Variants in CERS6 observed in about 807,000 individuals in gnomAD.
The protein encoded by CERS6 is ceramide synthase 6.
A neutral mutation model predicts 56.8 loss-of-function variants in CERS6; 26 were observed. That is an observed-to-expected ratio of 0.46 (90% CI 0.34 to 0.63). The LOEUF (loss-of-function observed/expected upper bound fraction) is 0.63, where lower values mean the gene tolerates loss of function less well. Among genes scored for constraint, CERS6 ranks in the 30% least tolerant of loss-of-function variants. The pLI is 0.01. For synonymous variants in CERS6, 164 were observed against 173.3 expected (o/e 0.95, Z 0.42); for missense variants, 415 against 467.5 (o/e 0.89, Z 1.04).
intron 4 of CERS6, among the ~76,000 whole-genome samples, chr2:168,674,804 G>A (rs1254789917): frequency 2.0e-5 from 3 of 152,152 alleles, no homozygotes; most frequent in African/African-American, 7.2e-5. Flanking sequence ...TCCTTGGGCA[G>A]TGGTTCTCAG....
At chr2:168,658,080 C>T (rs769583642) in intron 4 of CERS6, among the ~76,000 whole-genome samples, 5 of 152,192 alleles carry the variant, frequency 3.3e-5, no homozygotes, top group Non-Finnish European at 7.3e-5. Context: ...CTGTTGTTTA[C>T]TAGATGTGTG....
intron 8 of CERS6, among the ~76,000 whole-genome samples, chr2:168,753,557 T>C (rs1385926584): frequency 6.6e-6 from 1 of 152,208 alleles, no homozygotes; most frequent in Non-Finnish European, 1.5e-5. Context: ...TGACTTAACT[T>C]GTGGGGCACA....
In CERS6 at chr2:168,773,657, C is replaced by T. The variant is rs1287931469; in HGVS notation, c.*3995C>T. On this transcript the variant is annotated 3_prime_UTR_variant, in exon 10 of 10. Coordinates refer to ENST00000305747, the MANE Select transcript of CERS6 (RefSeq NM_203463.3). ...TCAGCAGTTCAGTTGTCACAAGCCGCCCTTGAAGAAAACGCAGCAAAATAT... is the reference window on the plus strand; with the variant it reads ...TCAGCAGTTCAGTTGTCACAAGCCGTCCTTGAAGAAAACGCAGCAAAATAT... 5 of 152,186 alleles carry T rather than the reference C, an allele frequency of 3.3e-5. No homozygotes were observed. The highest frequency in any genetic ancestry group is 5.9e-5 in the Non-Finnish European group (4 of 68,034). The allele number at this position is 152,186 out of a possible 1,614,324, so 9.4% of individuals were successfully genotyped here.
At position 168,475,674 on chromosome 2, in the gene CERS6, G is replaced by A. The variant is rs1033015090; in HGVS notation, c.170+19056G>A. Reference sequence around the variant, plus strand: ...ATCCAAGGGTTTGAATTGGGAAACCGTTAAGTTTACTAGAAGTAGCTAGTT... The same window carrying A: ...ATCCAAGGGTTTGAATTGGGAAACCATTAAGTTTACTAGAAGTAGCTAGTT... On this transcript the variant is annotated intron_variant, in intron 1 of 9. Transcript: ENST00000305747. Among the ~76,000 whole-genome samples, 5 of 152,254 alleles carry A rather than the reference G, an allele frequency of 3.3e-5. No homozygotes were observed. The East Asian group carries it at 5.8e-4, about 18-fold the overall frequency.
intron 1 of CERS6, among the ~76,000 whole-genome samples, chr2:168,544,785 A>G (rs1426811805): frequency 1.1e-5 from 1 of 94,938 alleles, no homozygotes. Context: ...CACTTTTGTC[A>G]GTGCACGTGG....
At chr2:168,608,373 G>A (rs574223543) in intron 3 of CERS6, among the ~76,000 whole-genome samples, 1 of 152,218 alleles carries the variant, frequency 6.6e-6, no homozygotes, top group East Asian at 1.9e-4. Context: ...TTTCTCTTGG[G>A]CAGCTACCTA....
intron 6 of CERS6, among the ~76,000 whole-genome samples, chr2:168,709,232 G>C (rs953124041): frequency 6.6e-6 from 1 of 152,116 alleles, no homozygotes; most frequent in African/African-American, 2.4e-5. Flanking sequence ...AGGAATTTCT[G>C]ATGTGAAAGC....
intron 1 of CERS6, among the ~76,000 whole-genome samples, chr2:168,465,658 C>T (rs1046031641): frequency 1.1e-4 from 17 of 152,112 alleles, no homozygotes; most frequent in African/African-American, 4.1e-4. Flanking sequence ...TAGGATCCTA[C>T]TTATATAAGG....
chr2:168,702,248 A>C (rs908989401), intron 6 of CERS6, among the ~76,000 whole-genome samples: 2 of 152,230 alleles, frequency 1.3e-5, no homozygotes, highest in Admixed American at 6.5e-5. Context: ...AATTGGAAAT[A>C]GGTATGCAAT....
At chr2:168,633,010 A>G (rs1684782926) in intron 4 of CERS6, among the ~76,000 whole-genome samples, 1 of 152,192 alleles carries the variant, frequency 6.6e-6, no homozygotes, top group Admixed American at 6.5e-5. Context: ...ATGGAATGGA[A>G]TGAGAATAAT....
intron 3 of CERS6, among the ~76,000 whole-genome samples, chr2:168,614,014 G>A (rs1684249639): frequency 1.3e-5 from 2 of 152,182 alleles, no homozygotes; most frequent in Admixed American, 1.3e-4. Flanking sequence ...TTTGTGAAAT[G>A]GCTTATTTTC....
intron 3 of CERS6, among the ~76,000 whole-genome samples, chr2:168,591,002 T>C (rs1052083503): frequency 2.6e-5 from 4 of 152,246 alleles, no homozygotes; most frequent in Non-Finnish European, 2.9e-5. Context: ...TCTTTGTATA[T>C]GCTTGCTTCA....
At chr2:168,532,710 T>A (rs1695190061) in intron 1 of CERS6, among the ~76,000 whole-genome samples, 1 of 152,192 alleles carries the variant, frequency 6.6e-6, no homozygotes, top group Admixed American at 6.5e-5. Flanking sequence ...TTACTTTTAA[T>A]TTTTGGCATT....
intron 2 of CERS6, among the ~76,000 whole-genome samples, chr2:168,557,167 A>C (rs1237208699): frequency 6.6e-6 from 1 of 152,096 alleles, no homozygotes; most frequent in African/African-American, 2.4e-5. Flanking sequence ...CTATCTCAAA[A>C]AATAAAATAA....
intron 1 of CERS6, among the ~76,000 whole-genome samples, chr2:168,496,434 C>T (rs893336374): frequency 6.6e-5 from 10 of 151,688 alleles, no homozygotes; most frequent in South Asian, 2.1e-4. Flanking sequence ...TAGATATAAG[C>T]GGGTGGTCTG....
intron 9 of CERS6, 115 bp downstream of exon 9, chr2:168,765,863 A>C (rs1684718833): frequency 1.0e-6 from 1 of 961,122 alleles, no homozygotes; most frequent in African/African-American, 1.7e-5. Flanking sequence ...TTTCTTCAGA[A>C]TTGAGCAAAA....
chr2:168,475,281 A>G (rs1008716297), intron 1 of CERS6, among the ~76,000 whole-genome samples: 8 of 152,106 alleles, frequency 5.3e-5, no homozygotes, highest in Non-Finnish European at 1.0e-4. Flanking sequence ...GATTATTAAC[A>G]TTTTATCATA....
At chr2:168,728,904 A>C (rs944005459) in intron 8 of CERS6, among the ~76,000 whole-genome samples, 1 of 149,110 alleles carries the variant, frequency 6.7e-6, no homozygotes, top group South Asian at 2.2e-4. Flanking sequence ...GCTACTCGGG[A>C]GGCTGAGGCA....
At chr2:168,465,189 G>A (rs1436171621) in intron 1 of CERS6, among the ~76,000 whole-genome samples, 1 of 152,140 alleles carries the variant, frequency 6.6e-6, no homozygotes. Context: ...CATTTGTTTG[G>A]GCTGGTACAA....
Sources: allele counts gnomAD v4.1 joint callset (sites outside exome capture counted in the v4.1 genomes callset), GRCh38; gene constraint gnomAD v4.1.1; transcripts MANE v1.5; gene names NCBI Gene and HGNC (gene_info 2026-07-23, HGNC 2026-07-21).